CNTF: variants seen among roughly 807,000 people sequenced by gnomAD.
CNTF encodes Ciliary Neuronotrophic Factor.
A neutral mutation model predicts 13.0 loss-of-function variants in CNTF; 14 were observed. That is an observed-to-expected ratio of 1.07 (90% CI 0.71 to 1.68). CNTF has a LOEUF of 1.68. CNTF is among the 40% of genes most tolerant of loss of function. The pLI, the probability that CNTF is intolerant of heterozygous loss-of-function variation, is 0.00. For synonymous variants in CNTF, 98 were observed against 92.4 expected (o/e 1.06, Z -0.35); for missense variants, 283 against 252.5 (o/e 1.12, Z -0.82).
rs748373176 is a variant in CNTF, at chr11:58,624,041, A to T, written c.122A>T (p.His41Leu). The part of the protein sequence containing the change: ...LTALTESYVK[H>L]QGLNKNINLD... The stretch of plus-strand genomic sequence containing the variant: ...TCCTGTATCCTCGGCCAGGTGAAGC[A>T]TCAGGGCCTGAACAAGAACATCAAC... Residue 41 changes from histidine to leucine, a missense_variant, in exon 2 of 2, where the codon CAT becomes CTT. By Grantham distance (99) the His-to-Leu change is moderately conservative (BLOSUM62 -3). Coordinates refer to ENST00000361987, the MANE Select transcript of CNTF (RefSeq NM_000614.4). 6.2e-7 allele frequency: 1 copy of T among 1,612,494 alleles called. No individual in the cohort carries two copies.
chr11:58,622,684 T>C lies in CNTF; in HGVS notation c.-69T>C. 1 of 1,136,274 alleles carries C rather than the reference T, an allele frequency of 8.8e-7. No individual in the cohort carries two copies. Among genetic ancestry groups the C allele is most frequent in the South Asian group, 1.3e-5 (1 of 78,446 alleles). 70.4% of individuals were successfully genotyped at this position (1,136,274 alleles called of 1,614,324 possible). ...GGGTTTAGTCTTTGAGAGTCACATCTCTTATTTGGACCAGTATAGACAGAA... is the reference window on the plus strand; with the variant it reads ...GGGTTTAGTCTTTGAGAGTCACATCCCTTATTTGGACCAGTATAGACAGAA... On this transcript the variant is annotated 5_prime_UTR_variant, in exon 1 of 2. Coordinates refer to ENST00000361987, the MANE Select transcript of CNTF (RefSeq NM_000614.4).
Position 58,624,724 on chromosome 11 carries a change from T to C in CNTF, c.*202T>C. ...CGTTGGAGACATACACAAATGGGCA[T>C]ACAAGTTTAGCCTGGGGGGTGTGAT... On this transcript the variant is annotated 3_prime_UTR_variant, in exon 2 of 2. Transcript: ENST00000361987. The C allele has an allele frequency of 1.7e-6, 1 of 576,272 alleles. No individual in the cohort carries two copies. Among genetic ancestry groups the C allele is most frequent in the Non-Finnish European group, 3.0e-6 (1 of 332,436 alleles). The allele number at this position is 576,272 out of a possible 1,614,324, so 35.7% of individuals were successfully genotyped here. A position where few individuals can be genotyped will look rare whatever the true frequency, so the allele number is the denominator to read the frequency against.
chr11:58,624,071 ACT>A lies in CNTF; in HGVS notation c.155_156del (p.Ser52CysfsTer10). The A allele has an allele frequency of 1.2e-6, 2 of 1,611,864 alleles. No homozygotes were observed. The highest frequency in any genetic ancestry group is 1.7e-6 in the Non-Finnish European group (2 of 1,178,876). Reference sequence around the variant, plus strand: ...GGCCTGAACAAGAACATCAACCTGGACTCTGCGGATGGGATGCCAGTGGCAAG... The same window carrying A: ...GGCCTGAACAAGAACATCAACCTGGACTGCGGATGGGATGCCAGTGGCAAG... On this transcript the variant is annotated frameshift_variant, in exon 2 of 2. Transcript: ENST00000361987. LOFTEE classifies it high-confidence loss of function.
At position 58,622,692 on chromosome 11, in the gene CNTF, G is replaced by A; in HGVS notation, c.-61G>A. 8.3e-7 allele frequency: 1 copy of A among 1,206,740 alleles called. No homozygotes were observed. The highest frequency in any genetic ancestry group is 1.2e-6 in the Non-Finnish European group (1 of 815,208). The allele number at this position is 1,206,740 out of a possible 1,614,324, so 74.8% of individuals were successfully genotyped here. ...TCTTTGAGAGTCACATCTCTTATTT[G>A]GACCAGTATAGACAGAAGTAAACCC... On this transcript the variant is annotated 5_prime_UTR_variant, in exon 1 of 2. Coordinates refer to ENST00000361987, the MANE Select transcript of CNTF (RefSeq NM_000614.4).
In CNTF at chr11:58,624,452, T is replaced by G; in HGVS notation, c.533T>G (p.Phe178Cys). The G allele has an allele frequency of 6.2e-7, 1 of 1,614,054 alleles. No individual in the cohort carries two copies. The change falls in exon 2 of 2, where the codon TTC (phenylalanine) becomes TGC (cysteine). Residue 178 changes from phenylalanine (F) to cysteine (C), a missense_variant. Physicochemically the swap from Phe to Cys is radical, Grantham distance 205. Transcript: ENST00000361987. ...WTVRSIHDLR[F>C]ISSHQTGIPA... is the part of the protein sequence containing the mutation. ...GTAAGGTCCATCCATGACCTTCGTT[T>G]CATTTCTTCTCATCAGACTGGGATC...
rs1302597875 is a variant in CNTF, at chr11:58,625,451, G to A, written c.*929G>A. On this transcript the variant is annotated 3_prime_UTR_variant, in exon 2 of 2. Transcript: ENST00000361987. Reference sequence around the variant, plus strand: ...CAAACTTCTGAACTTTGGAAGCTGGGGATGTTTAGTAATACAGCCTGGTTT... The same window carrying A: ...CAAACTTCTGAACTTTGGAAGCTGGAGATGTTTAGTAATACAGCCTGGTTT... 6.6e-6 allele frequency: 1 copy of A among 152,122 alleles called. No homozygotes were observed. The highest frequency in any genetic ancestry group is 1.9e-4 in the East Asian group (1 of 5,198). The allele number at this position is 152,122 out of a possible 1,614,324, so 9.4% of individuals were successfully genotyped here.
At position 58,624,221 on chromosome 11, in the gene CNTF, C is replaced by A. The variant is rs780092055; in HGVS notation, c.302C>A (p.Thr101Asn). Residue 101 changes from threonine (T) to asparagine (N), a missense_variant, in exon 2 of 2, where the codon ACC becomes AAC. Physicochemically the swap from Thr to Asn is moderately conservative, Grantham distance 65. Transcript: ENST00000361987. ...LEDQQVHFTP[T>N]EGDFHQAIHT... ...GACCAGCAGGTGCATTTTACCCCAACCGAAGGTGACTTCCATCAAGCTATA... is the reference window on the plus strand; with the variant it reads ...GACCAGCAGGTGCATTTTACCCCAAACGAAGGTGACTTCCATCAAGCTATA... 6.2e-7 allele frequency: 1 copy of A among 1,613,968 alleles called. No individual in the cohort carries two copies. The highest frequency in any genetic ancestry group is 8.5e-7 in the Non-Finnish European group (1 of 1,179,986).
intron 1 of CNTF, among the ~76,000 whole-genome samples, chr11:58,623,185 C>T (rs1590636473): frequency 6.6e-6 from 1 of 152,042 alleles, no homozygotes; most frequent in East Asian, 1.9e-4. Context: ...AGCCATGGGC[C>T]CTCTGGGTTC....
At chr11:58,623,678 C>G (rs1388163099) in intron 1 of CNTF, among the ~76,000 whole-genome samples, 1 of 152,138 alleles carries the variant, frequency 6.6e-6, no homozygotes, top group Non-Finnish European at 1.5e-5. Flanking sequence ...TGGCCAGTGT[C>G]TTTTACAAGT....
chr11:58,622,996 AC>A (rs1855875531), intron 1 of CNTF, 130 bp downstream of exon 1: 2 of 742,010 alleles, frequency 2.7e-6, no homozygotes, highest in Admixed American at 2.0e-5. Flanking sequence ...AGGTTATTTG[AC>A]ATGGGCCCTT....
At chr11:58,622,950 C>A in intron 1 of CNTF, 84 bp downstream of exon 1, 1 of 921,150 alleles carries the variant, frequency 1.1e-6, no homozygotes, top group Non-Finnish European at 1.8e-6. Flanking sequence ...GCTCCATTAC[C>A]AATTGTGAAA....
chr11:58,624,323 C>G lies in CNTF; in HGVS notation c.404C>G (p.Pro135Arg). 2 of 1,613,718 alleles carry G rather than the reference C, an allele frequency of 1.2e-6. No homozygotes were observed. The highest frequency in any genetic ancestry group is 1.7e-6 in the Non-Finnish European group (2 of 1,179,932). ...ATGATACTCCTGGAATACAAGATCC[C>G]CCGCAATGAGGCTGATGGGATGCCT... The part of the protein sequence containing the change: ...ELMILLEYKI[P>R]RNEADGMPIN... The change falls in exon 2 of 2, where the codon CCC becomes CGC. Residue 135 changes from proline to arginine, a missense_variant. Transcript: ENST00000361987.
Position 58,625,453 on chromosome 11 carries a change from A to C in CNTF, c.*931A>C, listed in dbSNP as rs962677292. The C allele has an allele frequency of 1.1e-4, 17 of 152,174 alleles. No individual in the cohort carries two copies. Among genetic ancestry groups the C allele is most frequent in the Admixed American group, 8.5e-4 (13 of 15,276 alleles). 9.4% of individuals were successfully genotyped at this position (152,174 alleles called of 1,614,324 possible). A position where few individuals can be genotyped will look rare whatever the true frequency, so the allele number is the denominator to read the frequency against. On this transcript the variant is annotated 3_prime_UTR_variant, in exon 2 of 2. Coordinates refer to ENST00000361987, the MANE Select transcript of CNTF (RefSeq NM_000614.4). Reference sequence around the variant, plus strand: ...AACTTCTGAACTTTGGAAGCTGGGGATGTTTAGTAATACAGCCTGGTTTTT... The same window carrying C: ...AACTTCTGAACTTTGGAAGCTGGGGCTGTTTAGTAATACAGCCTGGTTTTT...
chr11:58,623,708 TATG>T (rs1282642687), intron 1 of CNTF, among the ~76,000 whole-genome samples: 2 of 152,200 alleles, frequency 1.3e-5, no homozygotes, highest in Non-Finnish European at 1.5e-5. Flanking sequence ...AATACTTTAA[TATG>T]ATTAAAATAT....
Position 58,623,397 on chromosome 11 carries a change from T to G in CNTF, c.114+531T>G, listed in dbSNP as rs191272105. On this transcript the variant is annotated intron_variant, in intron 1 of 1. Transcript: ENST00000361987. ...GCTATCAAAAGGATCTCCTAGAAGA[T>G]TCATTGGAAACTTGTGGAAGTGTCA... is the stretch of plus-strand genomic sequence containing the variant. Among the ~76,000 whole-genome samples, 488 of 152,300 alleles carry G rather than the reference T, an allele frequency of 3.2e-3. 2 individuals carry two copies. Among genetic ancestry groups the G allele is most frequent in the African/African-American group, 0.011 (471 of 41,564 alleles).
intron 1 of CNTF, 143 bp downstream of exon 1, chr11:58,623,009 C>G (rs1048514333): frequency 2.8e-6 from 2 of 714,474 alleles, no homozygotes; most frequent in Admixed American, 2.0e-5. Context: ...TGGGCCCTTC[C>G]CTTGAGGAAA....
chr11:58,624,619 TAAGAC>T lies in CNTF; in HGVS notation c.*100_*104del. 36 of 1,446,578 alleles carry T rather than the reference TAAGAC, an allele frequency of 2.5e-5. No homozygotes were observed. In the Middle Eastern group the frequency reaches 8.7e-4, roughly 35 times the overall value. The allele number at this position is 1,446,578 out of a possible 1,614,324, so 89.6% of individuals were successfully genotyped here. A position where few individuals can be genotyped will look rare whatever the true frequency, so the allele number is the denominator to read the frequency against. ...CCCATCTTAAATTTCTAAAAACAGTTAAGACAACAGGCATTTTCTTTCTTTTTTCT... is the reference window on the plus strand; with the variant it reads ...CCCATCTTAAATTTCTAAAAACAGTTAACAGGCATTTTCTTTCTTTTTTCT... On this transcript the variant is annotated 3_prime_UTR_variant, in exon 2 of 2. Transcript: ENST00000361987.
At position 58,624,572 on chromosome 11, in the gene CNTF, T is replaced by C; in HGVS notation, c.*50T>C. 2 of 1,600,638 alleles carry C rather than the reference T, an allele frequency of 1.2e-6. No individual in the cohort carries two copies. The highest frequency in any genetic ancestry group is 8.5e-7 in the Non-Finnish European group (1 of 1,173,884). ...GCTTTCTCTTCTAATGGAATATGCG[T>C]AGTTCCCTGGGGCCTCGCTTTCCCA... On this transcript the variant is annotated 3_prime_UTR_variant, in exon 2 of 2. Transcript: ENST00000361987.
rs755636881 is a variant in CNTF, at chr11:58,624,017, C to T, written c.115-17C>T. On this transcript the variant is annotated splice_polypyrimidine_tract_variant and intron_variant, in intron 1 of 1. Transcript: ENST00000361987. ...GTGATGACAGAAGATGTGGTGTTTT[C>T]CTGTATCCTCGGCCAGGTGAAGCAT... The T allele has an allele frequency of 1.2e-6, 2 of 1,610,242 alleles. No homozygotes were observed. The highest frequency in any genetic ancestry group is 3.4e-5 in the Admixed American group (2 of 59,460).
Sources: allele counts gnomAD v4.1 joint callset (sites outside exome capture counted in the v4.1 genomes callset), GRCh38; gene constraint gnomAD v4.1.1; transcripts MANE v1.5; gene names NCBI Gene and HGNC (gene_info 2026-07-23, HGNC 2026-07-21).